The following RC3H2 variants were observed in gnomAD, a reference collection of about 807,000 sequenced individuals.
RC3H2 encodes roquin-2.
RC3H2 carries 31 observed loss-of-function variants against 133.3 expected under a neutral mutation model. That is an observed-to-expected ratio of 0.23 (90% CI 0.17 to 0.31). The LOEUF is 0.31. Among genes scored for constraint, RC3H2 ranks in the 10% least tolerant of loss-of-function variants. RC3H2 has a pLI of 1.00. For synonymous variants in RC3H2, 517 were observed against 502.2 expected, an observed-to-expected ratio of 1.03 and a Z score of -0.40; for missense variants, 1,175 against 1,437.2, an observed-to-expected ratio of 0.82 and a Z score of 2.95.
At chr9:122,904,829 G>C (rs1185294453) in intron 1 of RC3H2, among the ~76,000 whole-genome samples, 4 of 152,216 alleles carry the variant, frequency 2.6e-5, no homozygotes, top group Non-Finnish European at 5.9e-5. Context: ...CTTTGCTTGG[G>C]TGGGTTCGTT....
intron 3 of RC3H2, 68 bp from the exon 4 acceptor site, chr9:122,890,613 T>C (rs1411281180): frequency 4.0e-6 from 5 of 1,241,468 alleles, no homozygotes; most frequent in African/African-American, 3.0e-5. Flanking sequence ...ATTTTCATTA[T>C]CTGCATTTAA....
At chr9:122,887,571 G>A (rs1396240738) in intron 4 of RC3H2, among the ~76,000 whole-genome samples, 2 of 151,968 alleles carry the variant, frequency 1.3e-5, no homozygotes, top group African/African-American at 4.8e-5. Context: ...TGGTATATAT[G>A]AAAGCCCATA....
At chr9:122,850,012 C>A (rs1244834962) in intron 20 of RC3H2, among the ~76,000 whole-genome samples, 190 bp from the exon 21 acceptor site, 3 of 152,106 alleles carry the variant, frequency 2.0e-5, no homozygotes, top group Non-Finnish European at 4.4e-5. Flanking sequence ...AGTCTCCCTC[C>A]GTCGCCCAGG....
intron 1 of RC3H2, among the ~76,000 whole-genome samples, chr9:122,899,906 A>C (rs1832591266): frequency 6.6e-6 from 1 of 152,254 alleles, no homozygotes. Context: ...CTGGTAGTAC[A>C]AAATAAGAGC....
intron 15 of RC3H2, 75 bp downstream of exon 15, chr9:122,855,109 T>C: frequency 1.8e-6 from 2 of 1,136,432 alleles, no homozygotes; most frequent in Non-Finnish European, 2.5e-6. Context: ...TGAGACTCTG[T>C]CTCAATTAAA....
chr9:122,881,567 A>G (rs2792998), intron 5 of RC3H2, among the ~76,000 whole-genome samples: 150,402 of 152,236 alleles, frequency 0.99, 74,324 homozygotes, highest in East Asian at 1. Flanking sequence ...TAGGGTTAAG[A>G]TATGATACAG....
intron 18 of RC3H2, among the ~76,000 whole-genome samples, chr9:122,852,792 A>G (rs1234930034): frequency 8.5e-4 from 110 of 128,986 alleles, no homozygotes; most frequent in Middle Eastern, 0.01. Flanking sequence ...CAGCCGCCCC[A>G]TCCGGGAGGT....
At chr9:122,900,752 A>C (rs1336682586) in intron 1 of RC3H2, among the ~76,000 whole-genome samples, 5 of 151,314 alleles carry the variant, frequency 3.3e-5, no homozygotes, top group African/African-American at 1.2e-4. Flanking sequence ...AAAATGGACT[A>C]AAAGGCCTAC....
chr9:122,890,694 TTTG>T, intron 3 of RC3H2, 149 bp from the exon 4 acceptor site: 3 of 643,280 alleles, frequency 4.7e-6, no homozygotes, highest in South Asian at 4.3e-5. Flanking sequence ...TCTGTCTCTG[TTTG>T]TTATTATTCT....
chr9:122,890,787 A>G (rs140763976), intron 3 of RC3H2, among the ~76,000 whole-genome samples: 1 of 152,224 alleles, frequency 6.6e-6, no homozygotes, highest in East Asian at 1.9e-4. Context: ...TTAATTGTAT[A>G]TAAGACATTT....
At chr9:122,864,919 C>T (rs1482455591) in intron 10 of RC3H2, among the ~76,000 whole-genome samples, 1 of 152,158 alleles carries the variant, frequency 6.6e-6, no homozygotes, top group East Asian at 1.9e-4. Flanking sequence ...CCACTGCACC[C>T]GGCCAAGTGC....
rs1829936156 is a variant in RC3H2 at position 122,849,407 on chromosome 9, A to C, written c.*220T>G. 6.2e-6 allele frequency: 1 copy of C among 160,582 alleles called. No individual in the cohort carries two copies. Among genetic ancestry groups the C allele is most frequent in the Non-Finnish European group, 1.3e-5 (1 of 74,358 alleles). 9.9% of individuals were successfully genotyped at this position (160,582 alleles called of 1,614,324 possible). A position where few individuals can be genotyped will look rare whatever the true frequency, so the allele number is the denominator to read the frequency against. On this transcript the variant is annotated 3_prime_UTR_variant, in exon 21 of 21. Coordinates refer to ENST00000357244, the MANE Select transcript of RC3H2 (RefSeq NM_001100588.3). ...TTGTCCAAATTCCAATCATTTCTGGAAAGTGAACATGTTACCCTAGTAAAG... is the reference window on the plus strand; with the variant it reads ...TTGTCCAAATTCCAATCATTTCTGGCAAGTGAACATGTTACCCTAGTAAAG...
At chr9:122,887,991 C>T (rs1197000640) in intron 4 of RC3H2, among the ~76,000 whole-genome samples, 3 of 151,996 alleles carry the variant, frequency 2.0e-5, no homozygotes, top group Admixed American at 1.3e-4. Flanking sequence ...GTGATCCACC[C>T]GCCTCGGCCT....
At chr9:122,886,683 C>T (rs961324499) in intron 4 of RC3H2, among the ~76,000 whole-genome samples, 9 of 152,228 alleles carry the variant, frequency 5.9e-5, no homozygotes, top group African/African-American at 2.2e-4. Flanking sequence ...GAGCAAGACC[C>T]TGTCTCTAAA....
In RC3H2 at chr9:122,853,962, C is replaced by G. The variant is rs763012905; in HGVS notation, c.3107G>C (p.Arg1036Thr). ...LNLLSKEIEL[R>T]NGELQSDYTE... ...GTTCAGTTTCTTTACCTCTCCATTT[C>G]TTAGTTCAATTTCCTTGCTTAAAAG... is the stretch of plus-strand genomic sequence containing the variant. The change falls in exon 18 of 21, where the codon AGA becomes ACA. Residue 1036 changes from arginine (R) to threonine (T), a missense_variant. By Grantham distance (71) the Arg-to-Thr change is moderately conservative (BLOSUM62 -1). Coordinates refer to ENST00000357244, the MANE Select transcript of RC3H2 (RefSeq NM_001100588.3). The G allele has an allele frequency of 1.2e-6, 2 of 1,614,196 alleles. No individual in the cohort carries two copies. Among genetic ancestry groups the G allele is most frequent in the Admixed American group, 3.3e-5 (2 of 60,024 alleles).
Position 122,877,411 on chromosome 9 carries a change from A to G in RC3H2, c.1325+60T>C, listed in dbSNP as rs946383846. On this transcript the variant is annotated intron_variant, in intron 9 of 20. Coordinates refer to ENST00000357244, the MANE Select transcript of RC3H2 (RefSeq NM_001100588.3). ...GTCATCACAAACTTCAGGACTGTATATAACATTCCCATAAAAATCAAAAAT... is the reference window on the plus strand; with the variant it reads ...GTCATCACAAACTTCAGGACTGTATGTAACATTCCCATAAAAATCAAAAAT... 7.5e-6 allele frequency: 10 copies of G among 1,329,092 alleles called. No homozygotes were observed. In the African/African-American group the frequency reaches 8.7e-5, roughly 12 times the overall value. 82.3% of individuals were successfully genotyped at this position (1,329,092 alleles called of 1,614,324 possible). A position where few individuals can be genotyped will look rare whatever the true frequency, so the allele number is the denominator to read the frequency against.
chr9:122,845,924 C>T lies in RC3H2; in HGVS notation c.*3703G>A, dbSNP rs1474928452. On this transcript the variant is annotated 3_prime_UTR_variant, in exon 21 of 21. Transcript: ENST00000357244. The stretch of plus-strand genomic sequence containing the variant: ...AATGCTTAGTTATCAATACTGGTGA[C>T]AGTCTGCTCCAAAAATGACTCAAAG... 1.3e-5 allele frequency: 2 copies of T among 152,158 alleles called. No homozygotes were observed. Among genetic ancestry groups the T allele is most frequent in the East Asian group, 1.9e-4 (1 of 5,202 alleles). The allele number at this position is 152,158 out of a possible 1,614,324, so 9.4% of individuals were successfully genotyped here.
In RC3H2 at chr9:122,875,105, G is replaced by C. The variant is rs1831274476; in HGVS notation, c.1325+2366C>G. On this transcript the variant is annotated intron_variant, in intron 9 of 20. Coordinates refer to ENST00000357244, the MANE Select transcript of RC3H2 (RefSeq NM_001100588.3). The stretch of plus-strand genomic sequence containing the variant: ...TTCCTGGAGTCTCCCAAATTATCTT[G>C]ATGTGAAATTCTGTATATAGAACTA... 5 of 1,383,204 alleles carry C rather than the reference G, an allele frequency of 3.6e-6. No individual in the cohort carries two copies. The East Asian group carries it at 1.3e-4, about 35-fold the overall frequency. 85.7% of individuals were successfully genotyped at this position (1,383,204 alleles called of 1,614,324 possible). A position where few individuals can be genotyped will look rare whatever the true frequency, so the allele number is the denominator to read the frequency against.
intron 19 of RC3H2, 41 bp downstream of exon 19, chr9:122,851,282 A>T (rs746523752): frequency 1.4e-5 from 22 of 1,612,078 alleles, no homozygotes; most frequent in Non-Finnish European, 1.8e-5. Flanking sequence ...ATAAATTTTC[A>T]ATCAAACAAA....
Sources: gnomAD v4.1 joint callset for allele counts (sites outside exome capture counted in the v4.1 genomes callset) on GRCh38, gnomAD v4.1.1 for gene constraint, MANE v1.5 for transcripts, NCBI Gene and HGNC (gene_info 2026-07-23, HGNC 2026-07-21) for gene names.